Variants in CDH1 observed in about 807,000 individuals in gnomAD.
CDH1 encodes cadherin 1.
A neutral mutation model predicts 84.5 loss-of-function variants in CDH1; 35 were observed. The observed-to-expected ratio is 0.41, with a 90% CI of 0.32 to 0.55. CDH1 has a LOEUF of 0.55. CDH1 is among the 20% of genes least tolerant of loss of function. CDH1 has a pLI of 0.19. For synonymous variants in CDH1, 417 were observed against 439.0 expected (o/e 0.95, Z 0.63); for missense variants, 994 against 1,126.6 (o/e 0.88, Z 1.68).
chr16:68,832,300 T>C lies in CDH1; in HGVS notation c.2440-990T>C, dbSNP rs1465803728. Among the ~76,000 whole-genome samples the C allele has an allele frequency of 3.9e-5, 6 of 151,994 alleles. 1 individual carries two copies. In the South Asian group the frequency reaches 1.2e-3, roughly 32 times the overall value. The stretch of plus-strand genomic sequence containing the variant: ...CCAAACCTAAAAGTTTTTTTTTTTT[T>C]AAGTATGCTTGCTATTTTAAAAATA... On this transcript the variant is annotated intron_variant, in intron 15 of 15. Coordinates refer to ENST00000261769, the MANE Select transcript of CDH1 (RefSeq NM_004360.5).
chr16:68,759,582 C>T (rs895703292), intron 2 of CDH1, among the ~76,000 whole-genome samples: 3 of 151,138 alleles, frequency 2.0e-5, no homozygotes, highest in South Asian at 4.2e-4. Flanking sequence ...CTCCGCCTCC[C>T]GAGTTCAAGC....
At chr16:68,761,415 C>A (rs1959223838) in intron 2 of CDH1, among the ~76,000 whole-genome samples, 1 of 152,222 alleles carries the variant, frequency 6.6e-6, no homozygotes, top group Admixed American at 6.5e-5. Context: ...CCATCCTACC[C>A]ATCCATGTGT....
At chr16:68,809,027 AT>A (rs940601761) in intron 5 of CDH1, 179 bp downstream of exon 5, 54 of 636,192 alleles carry the variant, frequency 8.5e-5, no homozygotes, top group African/African-American at 7.1e-4. Flanking sequence ...GGGGTTGTTA[AT>A]TTTTCTCCTT....
At chr16:68,753,167 C>T (rs993886369) in intron 2 of CDH1, among the ~76,000 whole-genome samples, 2 of 143,578 alleles carry the variant, frequency 1.4e-5, no homozygotes, top group African/African-American at 2.6e-5. Context: ...AAGCTGAGAT[C>T]GCGCCACTGC....
chr16:68,791,136 G>A (rs761100553), intron 2 of CDH1, among the ~76,000 whole-genome samples: 9 of 152,154 alleles, frequency 5.9e-5, no homozygotes, highest in Admixed American at 1.3e-4. Flanking sequence ...TGGATCTTCA[G>A]TACTAGAACA....
intron 2 of CDH1, among the ~76,000 whole-genome samples, chr16:68,800,847 A>G (rs553409890): frequency 1.3e-5 from 2 of 151,992 alleles, no homozygotes. Context: ...TTTTATTTTA[A>G]TTTCTTTTTA....
At chr16:68,762,855 G>C (rs182981274) in intron 2 of CDH1, among the ~76,000 whole-genome samples, 457 of 140,708 alleles carry the variant, frequency 3.2e-3, no homozygotes, top group Admixed American at 6.5e-3. Flanking sequence ...AGGTTGGAGT[G>C]AGCCAAGAGT....
intron 2 of CDH1, among the ~76,000 whole-genome samples, chr16:68,762,912 CAAAAAAAAAAAAA>C (rs55899466): frequency 1.1e-3 from 67 of 61,482 alleles, no homozygotes; most frequent in African/African-American, 4.1e-3. Flanking sequence ...GATTCCGTCT[CAAAAAAAAAAAAA>C]AAAAAAAAAA....
intron 1 of CDH1, 56 bp from the exon 2 acceptor site, chr16:68,738,241 G>A (rs1962451981): frequency 1.7e-6 from 2 of 1,183,824 alleles, no homozygotes; most frequent in Non-Finnish European, 1.2e-6. Context: ...TGGTTTCGGT[G>A]AGCAGGAGGG....
intron 3 of CDH1, among the ~76,000 whole-genome samples, chr16:68,806,552 C>T (rs1018766083): frequency 2.6e-5 from 4 of 152,212 alleles, no homozygotes; most frequent in Non-Finnish European, 5.9e-5. Context: ...CAACCATCAT[C>T]TCCATCATTA....
chr16:68,797,849 C>T (rs921930767), intron 2 of CDH1, among the ~76,000 whole-genome samples: 2 of 152,040 alleles, frequency 1.3e-5, no homozygotes, highest in African/African-American at 4.8e-5. Flanking sequence ...GAGGCAGAGG[C>T]GGGCAGATCA....
At position 68,813,413 on chromosome 16, in the gene CDH1, A is replaced by G. The variant is rs2152133505; in HGVS notation, c.1238A>G (p.Tyr413Cys). ...AATACCCCAGCGTGGGAGGCTGTAT[A>G]CACCATATTGAATGATGATGGTGGA... ...APNTPAWEAVYTILNDDGGQF... is the reference protein window; with the variant it reads ...APNTPAWEAVCTILNDDGGQF... Residue 413 changes from tyrosine (Y) to cysteine (C), a missense_variant, in exon 9 of 16, where the codon TAC (tyrosine) becomes TGC (cysteine). Coordinates refer to ENST00000261769, the MANE Select transcript of CDH1 (RefSeq NM_004360.5). The G allele has an allele frequency of 6.2e-7, 1 of 1,614,114 alleles. No individual in the cohort carries two copies.
chr16:68,821,500 C>T (rs1355599954), intron 11 of CDH1, among the ~76,000 whole-genome samples: 4 of 151,054 alleles, frequency 2.6e-5, no homozygotes, highest in African/African-American at 9.7e-5. Context: ...ATGTGAACTC[C>T]CCAATCTATT....
intron 2 of CDH1, among the ~76,000 whole-genome samples, chr16:68,791,994 C>T (rs543852847): frequency 1.3e-5 from 2 of 152,098 alleles, no homozygotes; most frequent in Admixed American, 1.3e-4. Context: ...GATCTCAGCT[C>T]ACTGCAACCT....
chr16:68,823,996 T>TTTTTC (rs1463819480), intron 13 of CDH1, among the ~76,000 whole-genome samples: 82 of 143,500 alleles, frequency 5.7e-4, no homozygotes, highest in African/African-American at 2.2e-3. Flanking sequence ...GCATTTCTTT[T>TTTTTC]TTTTTTTTTT....
Position 68,786,791 on chromosome 16 carries a change from CTTG to C in CDH1, c.164-14874_164-14872del, listed in dbSNP as rs372294470. Among the ~76,000 whole-genome samples, 14 of 152,256 alleles carry C rather than the reference CTTG, an allele frequency of 9.2e-5. 1 individual carries two copies. Among genetic ancestry groups the C allele is most frequent in the African/African-American group, 2.6e-4 (11 of 41,560 alleles). Reference sequence around the variant, plus strand: ...GTGAGCTCTATTGGACAAGTGAGCACTTGTTGTACAGTCATCTGCAAGCACATG... The same window carrying C: ...GTGAGCTCTATTGGACAAGTGAGCACTTGTACAGTCATCTGCAAGCACATG... On this transcript the variant is annotated intron_variant, in intron 2 of 15. Transcript: ENST00000261769.
chr16:68,792,373 G>T (rs567983982), intron 2 of CDH1, among the ~76,000 whole-genome samples: 1 of 152,208 alleles, frequency 6.6e-6, no homozygotes, highest in East Asian at 1.9e-4. Context: ...GGGATTACAG[G>T]CATGCGCCAC....
At position 68,808,402 on chromosome 16, in the gene CDH1, TCC is replaced by T; in HGVS notation, c.388-21_388-20del. The T allele has an allele frequency of 6.2e-7, 1 of 1,614,052 alleles. No homozygotes were observed. The highest frequency in any genetic ancestry group is 1.3e-5 in the African/African-American group (1 of 75,060). On this transcript the variant is annotated intron_variant, in intron 3 of 15. Coordinates refer to ENST00000261769, the MANE Select transcript of CDH1 (RefSeq NM_004360.5). ...TCCGTCTTGAATTGTCTTATCTTGT[TCC>T]TCATCTTCTTTCCTTTTAGGCCTCC...
At chr16:68,739,190 G>A (rs913952654) in intron 2 of CDH1, among the ~76,000 whole-genome samples, 2 of 151,768 alleles carry the variant, frequency 1.3e-5, no homozygotes, top group African/African-American at 4.8e-5. Flanking sequence ...CGAGGTGGGC[G>A]GATCACAAGG....
Sources: gnomAD v4.1 joint callset for allele counts (sites outside exome capture counted in the v4.1 genomes callset) on GRCh38, gnomAD v4.1.1 for gene constraint, MANE v1.5 for transcripts, NCBI Gene and HGNC (gene_info 2026-07-23, HGNC 2026-07-21) for gene names.